Variants in SHISAL1 observed in about 807,000 individuals in gnomAD.
SHISAL1 encodes protein shisa-like-1.
A neutral mutation model predicts 22.6 loss-of-function variants in SHISAL1; 9 were observed. That is an observed-to-expected ratio of 0.40 (90% confidence interval 0.24 to 0.70). SHISAL1 has a LOEUF of 0.70. SHISAL1 is among the 30% of genes least tolerant of loss of function. SHISAL1 has a pLI of 0.39. For missense variants in SHISAL1, 246 were observed against 270.6 expected (o/e 0.91, Z 0.64); for synonymous variants, 119 against 115.4 (o/e 1.03, Z -0.20).
intron 4 of SHISAL1, among the ~76,000 whole-genome samples, chr22:44,250,945 A>G (rs2055043268): frequency 6.6e-6 from 1 of 152,216 alleles, no homozygotes; most frequent in South Asian, 2.1e-4. Context: ...AAGAGGCAGA[A>G]CCTACTCTCC....
intron 4 of SHISAL1, among the ~76,000 whole-genome samples, 180 bp downstream of exon 4, chr22:44,285,248 G>A (rs2055304690): frequency 6.6e-6 from 1 of 152,176 alleles, no homozygotes; most frequent in Admixed American, 6.5e-5. Context: ...TGACTTTCCT[G>A]TCTAGGCATG....
At position 44,249,484 on chromosome 22, in the gene SHISAL1, A is replaced by C. The variant is rs2055030980; in HGVS notation, c.*201T>G. The C allele has an allele frequency of 9.3e-5, 42 of 452,168 alleles. No homozygotes were observed. The highest frequency in any genetic ancestry group is 6.4e-4 in the Middle Eastern group (1 of 1,572). The allele number at this position is 452,168 out of a possible 1,614,324, so 28.0% of individuals were successfully genotyped here. A position where few individuals can be genotyped will look rare whatever the true frequency, so the allele number is the denominator to read the frequency against. ...GGTGGCTCAGAATCCCCTCCCCTGCACCCCCAGCCCCTACCCCTGAGTTTG... is the reference window on the plus strand; with the variant it reads ...GGTGGCTCAGAATCCCCTCCCCTGCCCCCCCAGCCCCTACCCCTGAGTTTG... On this transcript the variant is annotated 3_prime_UTR_variant, in exon 5 of 5. Transcript: ENST00000381176.
intron 4 of SHISAL1, among the ~76,000 whole-genome samples, chr22:44,258,377 G>C (rs977063129): frequency 2.0e-5 from 3 of 152,224 alleles, no homozygotes; most frequent in Non-Finnish European, 2.9e-5. Context: ...AGCTAAACGT[G>C]TGTCATGGGG....
intron 4 of SHISAL1, among the ~76,000 whole-genome samples, chr22:44,275,323 A>G (rs2055232237): frequency 6.6e-6 from 1 of 152,190 alleles, no homozygotes; most frequent in South Asian, 2.1e-4. Flanking sequence ...ACCCCAACCG[A>G]GCACACACCA....
At chr22:44,262,039 G>A (rs557261151) in intron 4 of SHISAL1, among the ~76,000 whole-genome samples, 2 of 152,320 alleles carry the variant, frequency 1.3e-5, no homozygotes, top group East Asian at 1.9e-4. Flanking sequence ...TTGAGGGCTC[G>A]AAGCGGGTAG....
At chr22:44,324,793 G>A in the SHISAL1 span, among the ~76,000 whole-genome samples, 13 of 152,170 alleles carry the variant, frequency 8.5e-5, no homozygotes, top group African/African-American at 2.2e-4. Context: ...CCTCTGGCCC[G>A]TTGTCCTGAG....
the SHISAL1 span, among the ~76,000 whole-genome samples, chr22:44,325,583 CAG>C: frequency 6.6e-6 from 1 of 152,174 alleles, no homozygotes; most frequent in Non-Finnish European, 1.5e-5. Flanking sequence ...TCAACCCGCA[CAG>C]AGCCCATGAG....
chr22:44,259,542 G>C (rs1437626129), intron 4 of SHISAL1, among the ~76,000 whole-genome samples: 2 of 151,624 alleles, frequency 1.3e-5, no homozygotes, highest in Non-Finnish European at 1.5e-5. Flanking sequence ...CTGCTTCCTG[G>C]GTGGAGCCCT....
At chr22:44,330,672 T>TC in the SHISAL1 span, among the ~76,000 whole-genome samples, 1 of 152,016 alleles carries the variant, frequency 6.6e-6, no homozygotes, top group African/African-American at 2.4e-5. Flanking sequence ...TGTTTTTTTT[T>TC]CCTCTGGCTG....
rs111869284 is a variant in SHISAL1, at chr22:44,265,120, G to A, written c.*-15435C>T. Among the ~76,000 whole-genome samples, 395 of 152,262 alleles carry A rather than the reference G, an allele frequency of 2.6e-3. 1 individual carries two copies. The highest frequency in any genetic ancestry group is 8.9e-3 in the African/African-American group (369 of 41,554). On this transcript the variant is annotated intron_variant, in intron 4 of 4. Transcript: ENST00000381176. ...CTCTGATTCTACATTGAGGCCTGTG[G>A]TACGCAGCCCTAAGATGGCCTCCAA...
At chr22:44,292,052 G>T (rs1366471239) in intron 3 of SHISAL1, among the ~76,000 whole-genome samples, 1 of 152,162 alleles carries the variant, frequency 6.6e-6, no homozygotes, top group African/African-American at 2.4e-5. Context: ...CTGCCTTCCT[G>T]CCAGGCAGCC....
Position 44,249,482 on chromosome 22 carries a change from G to T in SHISAL1, c.*203C>A. 3 of 484,088 alleles carry T rather than the reference G, an allele frequency of 6.2e-6. No homozygotes were observed. Among genetic ancestry groups the T allele is most frequent in the Non-Finnish European group, 7.6e-6 (2 of 261,978 alleles). The allele number at this position is 484,088 out of a possible 1,614,324, so 30.0% of individuals were successfully genotyped here. On this transcript the variant is annotated 3_prime_UTR_variant, in exon 5 of 5. Coordinates refer to ENST00000381176, the MANE Select transcript of SHISAL1 (RefSeq NM_001099294.2). ...CAGGTGGCTCAGAATCCCCTCCCCT[G>T]CACCCCCAGCCCCTACCCCTGAGTT...
rs541215019 is a variant in SHISAL1, at chr22:44,270,261, G to A, written c.599+15167C>T. On this transcript the variant is annotated intron_variant, in intron 4 of 4. Coordinates refer to ENST00000381176, the MANE Select transcript of SHISAL1 (RefSeq NM_001099294.2). ...CGAATCTCCCTCCCTCTTGGATGCCGTCAACGTTGAGATGTCCCACAGACT... is the reference window on the plus strand; with the variant it reads ...CGAATCTCCCTCCCTCTTGGATGCCATCAACGTTGAGATGTCCCACAGACT... Among the ~76,000 whole-genome samples the A allele has an allele frequency of 3.4e-3, 521 of 152,290 alleles. 2 individuals carry two copies. The highest frequency in any genetic ancestry group is 0.012 in the African/African-American group (498 of 41,550).
chr22:44,280,594 G>C (rs1377772002), intron 4 of SHISAL1, among the ~76,000 whole-genome samples: 1 of 152,176 alleles, frequency 6.6e-6, no homozygotes, highest in Non-Finnish European at 1.5e-5. Flanking sequence ...CGCTCAGGTA[G>C]GGAGGCAGAG....
intron 4 of SHISAL1, among the ~76,000 whole-genome samples, chr22:44,268,440 G>T (rs118005251): frequency 0.022 from 3,314 of 152,296 alleles, 239 homozygotes; most frequent in East Asian, 0.15. Flanking sequence ...GACTTAGAAG[G>T]CGCAGTCCCT....
intron 4 of SHISAL1, among the ~76,000 whole-genome samples, chr22:44,259,481 A>AC (rs896858052): frequency 7.3e-5 from 11 of 151,286 alleles, no homozygotes; most frequent in African/African-American, 2.7e-4. Context: ...ATTAAAAAAA[A>AC]AAAAAGAAAC....
At chr22:44,296,616 A>C in intron 3 of SHISAL1, 56 bp downstream of exon 3, 2 of 1,515,628 alleles carry the variant, frequency 1.3e-6, no homozygotes, top group Non-Finnish European at 1.8e-6. Flanking sequence ...TTTGGGAGGC[A>C]GGCCCCTTGC....
chr22:44,318,555 T>C, the SHISAL1 span, among the ~76,000 whole-genome samples: 4 of 152,186 alleles, frequency 2.6e-5, no homozygotes, highest in African/African-American at 7.2e-5. Context: ...ATCCTGGACA[T>C]GTGACTTAGC....
intron 4 of SHISAL1, among the ~76,000 whole-genome samples, chr22:44,279,359 C>T (rs191124719): frequency 1.3e-5 from 2 of 152,290 alleles, no homozygotes; most frequent in Admixed American, 6.5e-5. Flanking sequence ...CAGAAGCCTC[C>T]TTGGTATTTG....
Sources: gnomAD v4.1 joint callset for allele counts (sites outside exome capture counted in the v4.1 genomes callset) on GRCh38, gnomAD v4.1.1 for gene constraint, MANE v1.5 for transcripts, NCBI Gene and HGNC (gene_info 2026-07-23, HGNC 2026-07-21) for gene names.